Variants in TTLL8 observed in about 807,000 individuals in gnomAD.
TTLL8 encodes protein monoglycylase TTLL8.
TTLL8 carries 65 observed loss-of-function variants against 77.8 expected under a neutral mutation model. The observed-to-expected ratio is 0.84, with a 90% CI of 0.68 to 1.03. The LOEUF is 1.03. TTLL8 is among the 50% of genes least tolerant of loss of function. The pLI is 0.00. For missense variants in TTLL8, 910 were observed against 1,004.5 expected, an observed-to-expected ratio of 0.91 and a Z score of 1.27; for synonymous variants, 402 against 422.8, an observed-to-expected ratio of 0.95 and a Z score of 0.60.
chr22:50,045,500 C>A, intron 5 of TTLL8, 111 bp from the exon 8 acceptor site: 1 of 935,612 alleles, frequency 1.1e-6, no homozygotes, highest in East Asian at 5.5e-5. Flanking sequence ...GCCCTCATAG[C>A]CGATGGGGCC....
chr22:50,052,160 T>C (rs983176065), intron 1 of TTLL8, among the ~76,000 whole-genome samples: 7 of 152,076 alleles, frequency 4.6e-5, no homozygotes, highest in African/African-American at 1.7e-4. Context: ...CTGAGGCCTG[T>C]CACCCGCCCA....
chr22:50,055,153 G>A (rs2146704602), upstream of TTLL8: 4 of 1,251,924 alleles, frequency 3.2e-6, no homozygotes, highest in South Asian at 5.4e-5. Flanking sequence ...TCAGAGGCCA[G>A]ATGGACAGAT....
intron 11 of TTLL8, among the ~76,000 whole-genome samples, chr22:50,031,203 C>T (rs1029210744): frequency 6.6e-6 from 1 of 152,150 alleles, no homozygotes; most frequent in South Asian, 2.1e-4. Flanking sequence ...CACAGAGAGG[C>T]CGCAAGAGAG....
chr22:50,037,092 C>T (rs903889664), intron 8 of TTLL8, among the ~76,000 whole-genome samples: 5 of 152,186 alleles, frequency 3.3e-5, no homozygotes, highest in African/African-American at 4.8e-5. Context: ...GATGCCTAAA[C>T]GTGTAAGAAA....
upstream of TTLL8, among the ~76,000 whole-genome samples, chr22:50,057,569 T>TGG (rs146273969): frequency 5.9e-5 from 2 of 34,070 alleles, 1 homozygote; most frequent in African/African-American, 4.6e-4. Context: ...AGGTCTGGGT[T>TGG]GGGGTCAGGT....
chr22:50,041,636 T>C lies in TTLL8; in HGVS notation c.815A>G (p.Tyr272Cys). 1 of 1,365,044 alleles carries C rather than the reference T, an allele frequency of 7.3e-7. No homozygotes were observed. Among genetic ancestry groups the C allele is most frequent in the African/African-American group, 1.5e-5 (1 of 67,728 alleles). The allele number at this position is 1,365,044 out of a possible 1,614,324, so 84.6% of individuals were successfully genotyped here. ...TAAGTCTTACTGAACGAGGGAGTAG[T>C]ACTGCTGGGTCAGGTCCTCCCACTC... Residue 272 changes from tyrosine to cysteine, a missense_variant, in exon 7 of 14, where the codon TAC (tyrosine) becomes TGC (cysteine). By Grantham distance (194) the Tyr-to-Cys change is radical (BLOSUM62 -2). Transcript: ENST00000266182. The surrounding 1 kb of genome is among the most constrained non-coding windows in gnomAD (Gnocchi z 4.3).
intron 8 of TTLL8, among the ~76,000 whole-genome samples, chr22:50,039,200 T>A (rs890732089): frequency 6.6e-6 from 1 of 152,220 alleles, no homozygotes; most frequent in Non-Finnish European, 1.5e-5. Flanking sequence ...TCTTTCTCTG[T>A]TACTTGAAAG....
In TTLL8 at chr22:50,034,434, GA is replaced by G; in HGVS notation, c.949del (p.Ser317LeufsTer2). On this transcript the variant is annotated frameshift_variant, in exon 9 of 14. Coordinates refer to ENST00000266182, the Ensembl canonical transcript of TTLL8. LOFTEE classifies it high-confidence loss of function. The surrounding 1 kb of genome is among the most constrained non-coding windows in gnomAD (Gnocchi z 4.1). ...GTCAATGTCCGTCTGAGGGTTCACA[GA>G]CGTGATTCTATTCAGCAGAGCCTGG... 7.3e-7 allele frequency: 1 copy of G among 1,367,322 alleles called. No homozygotes were observed. Among genetic ancestry groups the G allele is most frequent in the Non-Finnish European group, 9.8e-7 (1 of 1,021,830 alleles). The allele number at this position is 1,367,322 out of a possible 1,614,324, so 84.7% of individuals were successfully genotyped here.
intron 12 of TTLL8, among the ~76,000 whole-genome samples, chr22:50,020,447 G>A (rs4838873): frequency 3.0e-4 from 43 of 143,232 alleles, no homozygotes; most frequent in South Asian, 9.1e-4. Context: ...TCCATCTGAC[G>A]AAATGCACTC....
intron 8 of TTLL8, among the ~76,000 whole-genome samples, chr22:50,038,355 CTT>C (rs895632167): frequency 5.1e-4 from 76 of 149,688 alleles, no homozygotes; most frequent in Non-Finnish European, 7.1e-4. Flanking sequence ...TTATGCCTTA[CTT>C]TTTTTTTTCC....
In TTLL8 at chr22:50,034,344, C is replaced by T. The variant is rs746693681; in HGVS notation, c.1039+1G>A. On this transcript the variant is annotated splice_donor_variant, in intron 9 of 13. Coordinates refer to ENST00000266182, the Ensembl canonical transcript of TTLL8. LOFTEE classifies it high-confidence loss of function. This position sits in a 1 kb window ranked among gnomAD's most constrained non-coding sequence, Gnocchi z 4.1. ...GAACGCGGTGCAGGGAGCATCCGCACCAGGGGACTCACCTCGGCCCCGGGA... is the reference window on the plus strand; with the variant it reads ...GAACGCGGTGCAGGGAGCATCCGCATCAGGGGACTCACCTCGGCCCCGGGA... 2 of 1,364,804 alleles carry T rather than the reference C, an allele frequency of 1.5e-6. No individual in the cohort carries two copies. Among genetic ancestry groups the T allele is most frequent in the Admixed American group, 1.9e-5 (1 of 52,530 alleles). The allele number at this position is 1,364,804 out of a possible 1,614,324, so 84.5% of individuals were successfully genotyped here.
intron 11 of TTLL8, 146 bp from the exon 13 acceptor site, chr22:50,031,071 A>G: frequency 2.8e-6 from 2 of 710,550 alleles, no homozygotes; most frequent in Non-Finnish European, 3.9e-6. Context: ...GGTCCCACGC[A>G]GACCCCCAGG....
exon 11 of TTLL8, chr22:50,032,103 G>A (rs2061300471): frequency 7.4e-7 from 1 of 1,360,000 alleles, no homozygotes; most frequent in Non-Finnish European, 9.8e-7. Flanking sequence ...TGCACAGGTG[G>A]ATGGCGCTGC....
chr22:50,054,515 G>GCA (rs1174344362), intron 1 of TTLL8: 2 of 178,452 alleles, frequency 1.1e-5, no homozygotes, highest in Non-Finnish European at 2.7e-5. Context: ...AAACCCCTCT[G>GCA]CACACACAGG....
chr22:50,037,609 A>C (rs1865608280), intron 8 of TTLL8, among the ~76,000 whole-genome samples: 1 of 152,124 alleles, frequency 6.6e-6, no homozygotes, highest in Non-Finnish European at 1.5e-5. Context: ...ATGGCTGACC[A>C]CTGTTTAAGC....
intron 12 of TTLL8, among the ~76,000 whole-genome samples, chr22:50,025,666 C>T (rs2061226520): frequency 6.6e-6 from 1 of 152,054 alleles, no homozygotes; most frequent in Non-Finnish European, 1.5e-5. Flanking sequence ...AATAAATATA[C>T]AGAATCTATA....
upstream of TTLL8, chr22:50,056,701 G>A: frequency 1.0e-6 from 1 of 966,188 alleles, no homozygotes. This position sits in a 1 kb window ranked among gnomAD's most constrained non-coding sequence, Gnocchi z 4.1. Flanking sequence ...AACACCCCTG[G>A]GGTCCTCCGC....
chr22:50,056,984 G>T (rs1411067150), upstream of TTLL8: 8 of 1,288,230 alleles, frequency 6.2e-6, no homozygotes, highest in Non-Finnish European at 8.1e-6. This position sits in a 1 kb window ranked among gnomAD's most constrained non-coding sequence, Gnocchi z 4.1. Flanking sequence ...CTAGAGGAGA[G>T]GGTGTGGTGG....
exon 10 of TTLL8, chr22:50,033,216 C>T (rs776420552): frequency 1.1e-5 from 15 of 1,351,636 alleles, no homozygotes; most frequent in Middle Eastern, 2.1e-4. Context: ...CCAGCTTGTC[C>T]AGGGAGAAGC....
Sources: allele counts gnomAD v4.1 joint callset (sites outside exome capture counted in the v4.1 genomes callset), GRCh38; gene constraint gnomAD v4.1.1; non-coding constraint Gnocchi (gnomAD v3.1); transcripts MANE v1.5; gene names NCBI Gene and HGNC (gene_info 2026-07-23, HGNC 2026-07-21).